NT5DC1: variants seen among roughly 807,000 people sequenced by gnomAD.
The protein encoded by NT5DC1 is 5'-nucleotidase domain containing 1.
In NT5DC1, 42 loss-of-function variants were observed where a neutral mutation model predicts 59.4. The ratio of observed to expected loss-of-function variants is 0.71; its 90% CI spans 0.55 to 0.92. NT5DC1 has a LOEUF of 0.92. Ranked by LOEUF, NT5DC1 falls within the 40% of genes least tolerant of loss-of-function variation. The probability of loss-of-function intolerance (pLI) is 0.00; values close to 1 mark genes in which losing one functional copy is unlikely to be tolerated. For synonymous variants in NT5DC1, 172 were observed against 188.1 expected (o/e 0.91, Z 0.70); for missense variants, 501 against 537.1 (o/e 0.93, Z 0.66).
intron 6 of NT5DC1, among the ~76,000 whole-genome samples, chr6:116,187,614 G>A (rs182272543): frequency 6.6e-6 from 1 of 152,162 alleles, no homozygotes; most frequent in East Asian, 1.9e-4. Context: ...AGAGCAGTGG[G>A]GAAAGGACTG....
intron 6 of NT5DC1, among the ~76,000 whole-genome samples, chr6:116,140,245 T>C (rs1779733431): frequency 6.6e-6 from 1 of 152,182 alleles, no homozygotes; most frequent in South Asian, 2.1e-4. Flanking sequence ...CATCAACTTA[T>C]GCTTATGTTC....
intron 6 of NT5DC1, among the ~76,000 whole-genome samples, chr6:116,164,323 C>T: frequency 6.6e-6 from 1 of 152,160 alleles, no homozygotes. Flanking sequence ...GAGTTGAAGT[C>T]TTTATCATGT....
intron 6 of NT5DC1, among the ~76,000 whole-genome samples, chr6:116,141,682 A>T (rs1157363173): frequency 6.6e-6 from 1 of 151,736 alleles, no homozygotes; most frequent in Non-Finnish European, 1.5e-5. Flanking sequence ...ACAGAAGTTT[A>T]TATTCAACAT....
chr6:116,203,763 G>A (rs1336110194), intron 6 of NT5DC1, among the ~76,000 whole-genome samples: 1 of 151,896 alleles, frequency 6.6e-6, no homozygotes, highest in African/African-American at 2.4e-5. Context: ...ATTATAGGGT[G>A]TATTTGTGAG....
At chr6:116,207,594 A>C (rs1781483791) in intron 6 of NT5DC1, among the ~76,000 whole-genome samples, 1 of 151,974 alleles carries the variant, frequency 6.6e-6, no homozygotes, top group Non-Finnish European at 1.5e-5. Flanking sequence ...AAAAATACCC[A>C]AAATATATAA....
At position 116,121,263 on chromosome 6, in the gene NT5DC1, C is replaced by G. The variant is rs914825451; in HGVS notation, c.529+3318C>G. 37 of 1,613,846 alleles carry G rather than the reference C, an allele frequency of 2.3e-5. No individual in the cohort carries two copies. Among genetic ancestry groups the G allele is most frequent in the Admixed American group, 3.3e-5 (2 of 60,006 alleles). On this transcript the variant is annotated intron_variant, in intron 6 of 11. Transcript: ENST00000319550. ...GGGGGCCCAGCTATTCCTGGAGCCCCAGGGAGACCTTTTGTTCCTGGAATC... is the reference window on the plus strand; with the variant it reads ...GGGGGCCCAGCTATTCCTGGAGCCCGAGGGAGACCTTTTGTTCCTGGAATC...
rs528887801 is a variant in NT5DC1, at chr6:116,221,796, G to A, written c.704+568G>A. On this transcript the variant is annotated intron_variant, in intron 7 of 11. Transcript: ENST00000319550. ...AACCTCTTTAAGCTTCAATTTTGCC[G>A]TCATAAAAATGGTACAGTAATTCCT... 5.4e-4 allele frequency among the ~76,000 whole-genome samples: 82 copies of A among 152,210 alleles called. 3 individuals are homozygous for A. In the South Asian group the frequency reaches 0.016, roughly 29 times the overall value.
At chr6:116,181,411 G>T (rs1232272823) in intron 6 of NT5DC1, among the ~76,000 whole-genome samples, 1 of 151,978 alleles carries the variant, frequency 6.6e-6, no homozygotes, top group Admixed American at 6.6e-5. Flanking sequence ...AATAATTTAT[G>T]ATTATTTCAG....
rs1473651888 is a variant in NT5DC1, at chr6:116,107,863, C to T, written c.186-501C>T. Among the ~76,000 whole-genome samples, 3 of 152,212 alleles carry T rather than the reference C, an allele frequency of 2.0e-5. No homozygotes were observed. The South Asian group carries it at 6.2e-4, about 32-fold the overall frequency. ...CTGGGATTACAGGCATGAGCCACCGCGCCTGGCCATAGTGGTTTTCAATGA... is the reference window on the plus strand; with the variant it reads ...CTGGGATTACAGGCATGAGCCACCGTGCCTGGCCATAGTGGTTTTCAATGA... On this transcript the variant is annotated intron_variant, in intron 2 of 11. Coordinates refer to ENST00000319550, the MANE Select transcript of NT5DC1 (RefSeq NM_152729.3).
intron 6 of NT5DC1, among the ~76,000 whole-genome samples, chr6:116,178,603 A>G (rs1780804179): frequency 6.6e-6 from 1 of 152,196 alleles, no homozygotes; most frequent in Non-Finnish European, 1.5e-5. Flanking sequence ...CCCACCTTTT[A>G]CTCTGAAGAA....
At chr6:116,227,055 A>G (rs1781924618) in intron 8 of NT5DC1, among the ~76,000 whole-genome samples, 1 of 152,176 alleles carries the variant, frequency 6.6e-6, no homozygotes, top group Non-Finnish European at 1.5e-5. Flanking sequence ...TGCATTTTGT[A>G]CAATATATTT....
rs562845082 is a variant in NT5DC1 at position 116,249,154 on chromosome 6, G to C, written c.*5130G>C. On this transcript the variant is annotated 3_prime_UTR_variant, in exon 12 of 12. Transcript: ENST00000319550. Reference sequence around the variant, plus strand: ...AATTTAGGATTAAGATGGATGTAGAGCTTGCAAAAGAAAACCTAGCTCTCT... The same window carrying C: ...AATTTAGGATTAAGATGGATGTAGACCTTGCAAAAGAAAACCTAGCTCTCT... The C allele has an allele frequency of 2.1e-5, 3 of 141,456 alleles. No individual in the cohort carries two copies. Among genetic ancestry groups the C allele is most frequent in the African/African-American group, 7.3e-5 (3 of 41,116 alleles). The allele number at this position is 141,456 out of a possible 1,614,324, so 8.8% of individuals were successfully genotyped here.
At chr6:116,163,141 A>AAAAAAAAAAAATAT (rs761718922) in intron 6 of NT5DC1, among the ~76,000 whole-genome samples, 1 of 88,404 alleles carries the variant, frequency 1.1e-5, no homozygotes, top group African/African-American at 5.8e-5. Context: ...AAAAAAAAAA[A>AAAAAAAAAAAATAT]ATATATATAT....
intron 6 of NT5DC1, among the ~76,000 whole-genome samples, chr6:116,190,102 G>A (rs983102600): frequency 4.0e-5 from 6 of 151,824 alleles, no homozygotes; most frequent in Non-Finnish European, 8.8e-5. Context: ...ATCTATCACA[G>A]AGCTTGTAGT....
At chr6:116,154,104 A>G (rs1202888803) in intron 6 of NT5DC1, among the ~76,000 whole-genome samples, 1 of 151,276 alleles carries the variant, frequency 6.6e-6, no homozygotes, top group African/African-American at 2.4e-5. Context: ...ATGTTAAAAC[A>G]TGGCTCTCAA....
intron 6 of NT5DC1, chr6:116,120,091 G>C (rs745957575): frequency 1.2e-6 from 2 of 1,613,938 alleles, no homozygotes; most frequent in Non-Finnish European, 1.7e-6. Flanking sequence ...GAGCCACTAG[G>C]AATCCTGAGA....
chr6:116,176,668 C>T (rs1167564556), intron 6 of NT5DC1, among the ~76,000 whole-genome samples: 1 of 152,142 alleles, frequency 6.6e-6, no homozygotes, highest in Non-Finnish European at 1.5e-5. Context: ...TTTTCCCAAC[C>T]ACATATTGTC....
At chr6:116,114,794 G>A (rs9488837) in intron 4 of NT5DC1, among the ~76,000 whole-genome samples, 54,759 of 151,874 alleles carry the variant, frequency 0.36, 10,224 homozygotes, top group African/African-American at 0.45. Context: ...AAGGAGAAGC[G>A]CAGAGAATAC....
intron 6 of NT5DC1, among the ~76,000 whole-genome samples, chr6:116,198,116 AG>A (rs2114504389): frequency 6.6e-6 from 1 of 152,194 alleles, no homozygotes; most frequent in South Asian, 2.1e-4. Flanking sequence ...CTCCTGTCAA[AG>A]TGCTGGGTGG....
Sources: allele counts gnomAD v4.1 joint callset (sites outside exome capture counted in the v4.1 genomes callset), GRCh38; gene constraint gnomAD v4.1.1; transcripts MANE v1.5; gene names NCBI Gene and HGNC (gene_info 2026-07-23, HGNC 2026-07-21).